The following SDK1 variants were observed in gnomAD, a reference collection of about 807,000 sequenced individuals.
SDK1 encodes sidekick cell adhesion molecule 1, also known as protein sidekick-1.
SDK1 carries 157 observed loss-of-function variants against 245.5 expected under a neutral mutation model. The observed-to-expected ratio is 0.64, with a 90% confidence interval of 0.56 to 0.73. The LOEUF (loss-of-function observed/expected upper bound fraction) is 0.73. Among genes scored for constraint, SDK1 ranks in the 30% least tolerant of loss-of-function variants. The pLI is 0.00. For missense variants in SDK1, 3,583 were observed against 3,002.3 expected (o/e 1.19, Z -4.52); for synonymous variants, 1,647 against 1,278.5 (o/e 1.29, Z -6.15).
At chr7:3,316,636 T>G (rs1779669054) in intron 1 of SDK1, among the ~76,000 whole-genome samples, 1 of 152,204 alleles carries the variant, frequency 6.6e-6, no homozygotes, top group African/African-American at 2.4e-5. Context: ...TGTGCCACTT[T>G]CTGAGAATGC....
chr7:3,783,427 T>G (rs746971486), intron 4 of SDK1, among the ~76,000 whole-genome samples: 1 of 151,916 alleles, frequency 6.6e-6, no homozygotes, highest in Non-Finnish European at 1.5e-5. Flanking sequence ...TGTCACTGTT[T>G]GCTGATAACA....
rs187077459 is a variant in SDK1, at chr7:3,911,954, G to T, written c.848-38969G>T. ...CTTGCACCTGGAAGGATGACTCAGA[G>T]CAGAGATGAGGTGGGGGAGGGCATT... On this transcript the variant is annotated intron_variant, in intron 5 of 44. Coordinates refer to ENST00000404826, the MANE Select transcript of SDK1 (RefSeq NM_152744.4). 5.3e-5 allele frequency among the ~76,000 whole-genome samples: 8 copies of T among 152,302 alleles called. No individual in the cohort carries two copies. The East Asian group carries it at 1.5e-3, about 29-fold the overall frequency.
chr7:4,157,674 T>C (rs12701436), intron 30 of SDK1, among the ~76,000 whole-genome samples: 61,726 of 151,838 alleles, frequency 0.41, 14,831 homozygotes, highest in East Asian at 0.77. Context: ...ATGTGGTCTT[T>C]TGTAAAGTGA....
At chr7:3,834,198 T>C (rs12536663) in intron 5 of SDK1, among the ~76,000 whole-genome samples, 28,295 of 152,014 alleles carry the variant, frequency 0.19, 2,753 homozygotes, top group Middle Eastern at 0.35. Context: ...TCTCCCCAAC[T>C]CCCTGCCCTT....
intron 1 of SDK1, among the ~76,000 whole-genome samples, chr7:3,443,337 G>C (rs1562489444): frequency 6.6e-6 from 1 of 152,170 alleles, no homozygotes; most frequent in Non-Finnish European, 1.5e-5. Context: ...ACTCAACAGA[G>C]ATAATGGTAG....
chr7:3,892,650 A>C (rs1781489111), intron 5 of SDK1, among the ~76,000 whole-genome samples: 1 of 152,184 alleles, frequency 6.6e-6, no homozygotes, highest in Non-Finnish European at 1.5e-5. Context: ...CATGCCTCAA[A>C]TCAAGAACAG....
intron 1 of SDK1, among the ~76,000 whole-genome samples, chr7:3,518,250 A>G (rs888442029): frequency 9.2e-5 from 14 of 152,276 alleles, no homozygotes; most frequent in African/African-American, 3.1e-4. Context: ...ATTTTAAAGC[A>G]TGAGCCTTTT....
intron 19 of SDK1, among the ~76,000 whole-genome samples, chr7:4,054,385 ACTGATGATACAATTCACAGAT>A (rs1779075234): frequency 6.6e-6 from 1 of 152,194 alleles, no homozygotes; most frequent in South Asian, 2.1e-4. Context: ...GGATATTGAC[ACTGATGATACAATTCACAGAT>A]CCGATTTGGG....
intron 4 of SDK1, among the ~76,000 whole-genome samples, chr7:3,757,537 A>G (rs977020480): frequency 2.6e-5 from 4 of 152,176 alleles, no homozygotes; most frequent in Admixed American, 2.0e-4. Flanking sequence ...AGGCCTGACC[A>G]GGAAGTCACT....
rs1026630222 is a variant in SDK1, at chr7:4,195,555, G to C, written c.5099-10324G>C. The stretch of plus-strand genomic sequence containing the variant: ...GCCTGCAATTCCCACTGTCTGCCTG[G>C]CATCTCTGCCGGGCGCACCCACAAG... On this transcript the variant is annotated intron_variant, in intron 35 of 44. Coordinates refer to ENST00000404826, the MANE Select transcript of SDK1 (RefSeq NM_152744.4). Among the ~76,000 whole-genome samples the C allele has an allele frequency of 3.3e-5, 5 of 152,260 alleles. No individual in the cohort carries two copies. The East Asian group carries it at 9.7e-4, about 29-fold the overall frequency.
At chr7:3,971,897 C>T (rs1782512751) in intron 12 of SDK1, among the ~76,000 whole-genome samples, 1 of 152,024 alleles carries the variant, frequency 6.6e-6, no homozygotes, top group African/African-American at 2.4e-5. Context: ...GGGGGATCGA[C>T]TAGGATTCAG....
intron 4 of SDK1, among the ~76,000 whole-genome samples, chr7:3,712,337 G>C (rs559429251): frequency 1.3e-5 from 2 of 152,304 alleles, no homozygotes; most frequent in East Asian, 3.9e-4. Flanking sequence ...AATGCCTGAT[G>C]ATCTGTCACT....
At chr7:3,857,544 A>G (rs930793756) in intron 5 of SDK1, among the ~76,000 whole-genome samples, 2 of 151,812 alleles carry the variant, frequency 1.3e-5, no homozygotes, top group Non-Finnish European at 2.9e-5. Context: ...GAAATTAACC[A>G]CGTGTGGTGG....
chr7:3,856,923 A>ATCATATCTTCTTCGAAACCACAC (rs1780561488), intron 5 of SDK1, among the ~76,000 whole-genome samples: 1 of 152,224 alleles, frequency 6.6e-6, no homozygotes, highest in Admixed American at 6.5e-5. Context: ...AATTCAAGGT[A>ATCATATCTTCTTCGAAACCACAC]AACAGTGTTA....
At chr7:4,241,714 G>C in intron 42 of SDK1, 79 bp from the exon 43 acceptor site, 1 of 1,580,480 alleles carries the variant, frequency 6.3e-7, no homozygotes, top group Non-Finnish European at 8.6e-7. Flanking sequence ...GAGCTGCCCC[G>C]CTGGCCAGCT....
intron 1 of SDK1, among the ~76,000 whole-genome samples, chr7:3,538,062 G>A (rs191976789): frequency 6.6e-6 from 1 of 152,080 alleles, no homozygotes; most frequent in Admixed American, 6.5e-5. Flanking sequence ...GGCTCTCCTG[G>A]GTGGGAAGAC....
At chr7:3,548,651 T>C (rs191224405) in intron 1 of SDK1, among the ~76,000 whole-genome samples, 1 of 152,326 alleles carries the variant, frequency 6.6e-6, no homozygotes, top group Non-Finnish European at 1.5e-5. Context: ...AACTTCCAGA[T>C]TGCTCTCCAG....
chr7:4,261,653 C>T (rs1175402454), intron 44 of SDK1, among the ~76,000 whole-genome samples: 1 of 152,194 alleles, frequency 6.6e-6, no homozygotes, highest in East Asian at 1.9e-4. Flanking sequence ...TAGCTGGAGC[C>T]ACTCCCAGGA....
intron 1 of SDK1, among the ~76,000 whole-genome samples, chr7:3,367,175 TTTTA>T (rs1781115381): frequency 1.3e-5 from 2 of 151,924 alleles, no homozygotes; most frequent in Admixed American, 6.5e-5. Context: ...TTATTTTTAT[TTTTA>T]TTTTTTGCCA....
Sources: gnomAD v4.1 joint callset for allele counts (sites outside exome capture counted in the v4.1 genomes callset) on GRCh38, gnomAD v4.1.1 for gene constraint, MANE v1.5 for transcripts, NCBI Gene and HGNC (gene_info 2026-07-23, HGNC 2026-07-21) for gene names.